The following LRRC4C variants were observed in gnomAD, a reference collection of about 807,000 sequenced individuals.
LRRC4C encodes leucine rich repeat containing 4C.
A neutral mutation model predicts 33.6 loss-of-function variants in LRRC4C; 5 were observed. That is an observed-to-expected ratio of 0.15 (90% CI 0.08 to 0.31). The LOEUF (loss-of-function observed/expected upper bound fraction) is 0.31. Among genes scored for constraint, LRRC4C ranks in the 10% least tolerant of loss-of-function variants. The pLI, the probability that LRRC4C is intolerant of heterozygous loss-of-function variation, is 1.00. For missense variants in LRRC4C, 560 were observed against 796.7 expected (o/e 0.70, Z 3.58); for synonymous variants, 329 against 302.0 (o/e 1.09, Z -0.93).
chr11:40,202,192 C>A (rs1014634051), intron 5 of LRRC4C, among the ~76,000 whole-genome samples: 3 of 122,952 alleles, frequency 2.4e-5, no homozygotes, highest in African/African-American at 9.9e-5. Flanking sequence ...CAGGCTTCCT[C>A]GGAGGGTCCT....
At chr11:41,037,494 G>C (rs182843025) in intron 1 of LRRC4C, among the ~76,000 whole-genome samples, 3 of 151,868 alleles carry the variant, frequency 2.0e-5, no homozygotes, top group African/African-American at 7.2e-5. Flanking sequence ...GTGAGCCACT[G>C]TGCCTGACCC....
intron 4 of LRRC4C, among the ~76,000 whole-genome samples, chr11:40,281,966 T>C (rs1331430964): frequency 2.0e-5 from 3 of 152,184 alleles, no homozygotes; most frequent in Admixed American, 2.0e-4. Context: ...TTGGTCAAAA[T>C]TGATGAGCTA....
At chr11:40,476,010 G>T (rs1248184306) in intron 3 of LRRC4C, among the ~76,000 whole-genome samples, 1 of 152,088 alleles carries the variant, frequency 6.6e-6, no homozygotes, top group African/African-American at 2.4e-5. Context: ...AGCATCTCTG[G>T]CCTCTACCCA....
chr11:40,229,158 C>A (rs564819622), intron 5 of LRRC4C, among the ~76,000 whole-genome samples: 31 of 152,112 alleles, frequency 2.0e-4, no homozygotes, highest in Non-Finnish European at 3.2e-4. Flanking sequence ...TAATTGTCTT[C>A]TTTATCTATT....
intron 1 of LRRC4C, among the ~76,000 whole-genome samples, chr11:41,330,496 C>T (rs1475388534): frequency 6.6e-6 from 1 of 151,960 alleles, no homozygotes; most frequent in Non-Finnish European, 1.5e-5. Context: ...CATTAGATGC[C>T]GTCAACATGT....
chr11:40,618,718 C>T (rs1009546917), intron 3 of LRRC4C, among the ~76,000 whole-genome samples: 1 of 151,714 alleles, frequency 6.6e-6, no homozygotes, highest in Non-Finnish European at 1.5e-5. Flanking sequence ...TTTATTATTT[C>T]CTCCTAGTGC....
intron 2 of LRRC4C, among the ~76,000 whole-genome samples, chr11:40,863,825 A>G (rs2135871658): frequency 6.6e-6 from 1 of 152,238 alleles, no homozygotes; most frequent in African/African-American, 2.4e-5. Context: ...TTTTTGTGTT[A>G]TTATAATTTG....
chr11:40,895,236 G>T (rs1014421427), intron 2 of LRRC4C, among the ~76,000 whole-genome samples: 2 of 151,972 alleles, frequency 1.3e-5, no homozygotes, highest in African/African-American at 4.8e-5. Flanking sequence ...ATTTATGTTA[G>T]ATACCTGGTC....
chr11:40,390,765 C>A (rs1351719336), intron 3 of LRRC4C, among the ~76,000 whole-genome samples: 1 of 152,174 alleles, frequency 6.6e-6, no homozygotes, highest in Non-Finnish European at 1.5e-5. Flanking sequence ...AGTTCTGTAA[C>A]ACAGATTCCT....
At chr11:41,204,696 G>A (rs996533247) in intron 1 of LRRC4C, among the ~76,000 whole-genome samples, 28 of 151,962 alleles carry the variant, frequency 1.8e-4, no homozygotes, top group Admixed American at 6.6e-5. Flanking sequence ...CTCCTTATAT[G>A]TTATCATTTT....
intron 2 of LRRC4C, among the ~76,000 whole-genome samples, chr11:40,734,269 A>G (rs1947746259): frequency 6.6e-6 from 1 of 152,184 alleles, no homozygotes; most frequent in Admixed American, 6.5e-5. Context: ...GCCAAAAACA[A>G]TGTATGGAAT....
intron 3 of LRRC4C, among the ~76,000 whole-genome samples, chr11:40,616,236 C>T (rs1055951469): frequency 2.6e-5 from 4 of 151,792 alleles, no homozygotes; most frequent in East Asian, 3.9e-4. Flanking sequence ...GTTAGAATGG[C>T]GATCATTAAA....
At chr11:41,393,460 A>G (rs1019802227) in intron 1 of LRRC4C, among the ~76,000 whole-genome samples, 3 of 151,852 alleles carry the variant, frequency 2.0e-5, no homozygotes, top group Non-Finnish European at 2.9e-5. Context: ...CAGTGAAGAA[A>G]GAAGTAAGTG....
intron 2 of LRRC4C, among the ~76,000 whole-genome samples, chr11:40,712,892 C>CT (rs943496547): frequency 1.8e-4 from 26 of 146,792 alleles, no homozygotes; most frequent in East Asian, 6.0e-4. Flanking sequence ...TTCTTTCTTT[C>CT]TTTTTTTTTT....
chr11:40,618,681 G>C (rs2220903), intron 3 of LRRC4C, among the ~76,000 whole-genome samples: 46,824 of 151,528 alleles, frequency 0.31, 7,552 homozygotes, highest in African/African-American at 0.39. Context: ...GCTATCGCTA[G>C]AAAGCCTCAC....
chr11:40,428,681 A>C (rs1008400486), intron 3 of LRRC4C, among the ~76,000 whole-genome samples: 13 of 152,320 alleles, frequency 8.5e-5, no homozygotes, highest in Middle Eastern at 3.4e-3. Flanking sequence ...AAAGTCATAC[A>C]TGGAGTAAAT....
intron 2 of LRRC4C, among the ~76,000 whole-genome samples, chr11:40,888,366 T>C (rs1218038441): frequency 2.0e-5 from 3 of 152,012 alleles, no homozygotes; most frequent in African/African-American, 7.2e-5. Context: ...GTGGAAGGTA[T>C]ATTTTTAAGT....
intron 1 of LRRC4C, among the ~76,000 whole-genome samples, chr11:40,977,914 G>T (rs1852200354): frequency 1.3e-5 from 2 of 152,172 alleles, no homozygotes; most frequent in South Asian, 4.1e-4. Flanking sequence ...GGGAGAAGAG[G>T]ACATGTGAAG....
chr11:40,777,350 T>G (rs953391067), intron 2 of LRRC4C, among the ~76,000 whole-genome samples: 5 of 152,186 alleles, frequency 3.3e-5, no homozygotes, highest in Non-Finnish European at 5.9e-5. Flanking sequence ...ATTATGTCCC[T>G]GCCTACATCT....
Sources: allele counts gnomAD v4.1 joint callset (sites outside exome capture counted in the v4.1 genomes callset), GRCh38; gene constraint gnomAD v4.1.1; transcripts MANE v1.5; gene names NCBI Gene and HGNC (gene_info 2026-07-23, HGNC 2026-07-21).